ZNF804B: variants seen among roughly 807,000 people sequenced by gnomAD.
ZNF804B encodes zinc finger 804B.
A neutral mutation model predicts 101.4 loss-of-function variants in ZNF804B; 80 were observed. The ratio of observed to expected loss-of-function variants is 0.79; its 90% CI spans 0.66 to 0.95. The LOEUF is 0.95. Ranked by LOEUF, ZNF804B falls within the 40% of genes least tolerant of loss-of-function variation. The pLI, the probability that ZNF804B is intolerant of heterozygous loss-of-function variation, is 0.00. For synonymous variants in ZNF804B, 622 were observed against 558.8 expected, an observed-to-expected ratio of 1.11 and a Z score of -1.59; for missense variants, 1,673 against 1,561.9, an observed-to-expected ratio of 1.07 and a Z score of -1.20.
intron 1 of ZNF804B, among the ~76,000 whole-genome samples, chr7:88,851,604 G>T (rs1219705948): frequency 6.6e-6 from 1 of 151,848 alleles, no homozygotes; most frequent in Non-Finnish European, 1.5e-5. Flanking sequence ...AACACTAGCA[G>T]ACCTACATTA....
rs559529074 is a variant in ZNF804B, at chr7:89,318,338, A to G, written c.250-9006A>G. On this transcript the variant is annotated intron_variant, in intron 2 of 3. Transcript: ENST00000333190. ...TCTCTTTTGCTTTTTTCCTTTGATT[A>G]CTTAAGAGCTATCTCATTTTAACTT... 7.1e-4 allele frequency among the ~76,000 whole-genome samples: 108 copies of G among 152,294 alleles called. 1 individual carries two copies. The highest frequency in any genetic ancestry group is 6.8e-3 in the Middle Eastern group (2 of 294).
chr7:89,149,978 C>G (rs1790848153), intron 1 of ZNF804B, among the ~76,000 whole-genome samples: 1 of 152,014 alleles, frequency 6.6e-6, no homozygotes, highest in Non-Finnish European at 1.5e-5. Context: ...ATGCAGTAGT[C>G]TACCCCCACT....
At chr7:89,054,109 C>G (rs1356344138) in intron 1 of ZNF804B, among the ~76,000 whole-genome samples, 1 of 151,894 alleles carries the variant, frequency 6.6e-6, no homozygotes, top group Admixed American at 6.6e-5. Flanking sequence ...TAAGCCTGAT[C>G]TCCTTGGAGA....
intron 1 of ZNF804B, among the ~76,000 whole-genome samples, chr7:88,928,259 T>C (rs570045869): frequency 5.3e-5 from 8 of 152,304 alleles, no homozygotes; most frequent in South Asian, 2.1e-4. Flanking sequence ...CTCTGAGCCA[T>C]GTATAGAGAA....
At chr7:88,856,400 C>T (rs976472292) in intron 1 of ZNF804B, among the ~76,000 whole-genome samples, 4 of 152,080 alleles carry the variant, frequency 2.6e-5, no homozygotes, top group African/African-American at 7.2e-5. Flanking sequence ...TGATTTGGCT[C>T]TCTGTTTGTC....
intron 1 of ZNF804B, among the ~76,000 whole-genome samples, chr7:88,760,463 T>C (rs1789878702): frequency 1.3e-5 from 2 of 152,236 alleles, no homozygotes; most frequent in Admixed American, 1.3e-4. Context: ...TTTTGTAAAG[T>C]CATCAGTTGA....
At chr7:88,942,222 C>T (rs1446484600) in intron 1 of ZNF804B, among the ~76,000 whole-genome samples, 1 of 151,908 alleles carries the variant, frequency 6.6e-6, no homozygotes, top group Non-Finnish European at 1.5e-5. Flanking sequence ...TTGAAAGGAT[C>T]TATGTGCTTC....
intron 2 of ZNF804B, among the ~76,000 whole-genome samples, chr7:89,273,015 T>A (rs1208849): frequency 0.25 from 37,246 of 151,964 alleles, 4,784 homozygotes; most frequent in Non-Finnish European, 0.27. Flanking sequence ...AAATAAACAG[T>A]TGTTTTTTGT....
At chr7:88,979,422 C>G (rs916358088) in intron 1 of ZNF804B, among the ~76,000 whole-genome samples, 5 of 151,812 alleles carry the variant, frequency 3.3e-5, no homozygotes, top group African/African-American at 9.7e-5. Context: ...ATTTCTCTTT[C>G]ATGTTTGAAG....
intron 1 of ZNF804B, among the ~76,000 whole-genome samples, chr7:89,205,403 C>A (rs1008389927): frequency 6.6e-6 from 1 of 152,186 alleles, no homozygotes; most frequent in South Asian, 2.1e-4. Context: ...TGAGAAAAGG[C>A]AAGTCCCTTT....
intron 1 of ZNF804B, among the ~76,000 whole-genome samples, chr7:88,787,296 C>T (rs1035356850): frequency 6.6e-6 from 1 of 152,036 alleles, no homozygotes; most frequent in Non-Finnish European, 1.5e-5. Context: ...GAAATGGAAT[C>T]CATTGAATAA....
At chr7:89,105,828 A>T (rs1473623333) in intron 1 of ZNF804B, among the ~76,000 whole-genome samples, 1 of 152,226 alleles carries the variant, frequency 6.6e-6, no homozygotes, top group South Asian at 2.1e-4. Context: ...CTTCTAACCA[A>T]CCAGCTTCAT....
intron 1 of ZNF804B, among the ~76,000 whole-genome samples, chr7:89,176,685 C>T (rs1791328793): frequency 7.6e-6 from 1 of 130,820 alleles, no homozygotes; most frequent in African/African-American, 2.9e-5. Context: ...TCATTTTTCT[C>T]TATTTTTTGG....
chr7:88,802,005 G>T (rs10273187), intron 1 of ZNF804B, among the ~76,000 whole-genome samples: 1,543 of 152,190 alleles, frequency 0.01, 28 homozygotes, highest in African/African-American at 0.035. Flanking sequence ...CTGGTGGGAG[G>T]TGATTGGATC....
intron 1 of ZNF804B, among the ~76,000 whole-genome samples, chr7:89,076,371 A>G (rs1394893558): frequency 6.6e-6 from 1 of 151,334 alleles, no homozygotes; most frequent in East Asian, 2.0e-4. Flanking sequence ...TAAAAAGGGT[A>G]GTTTCCCTAC....
intron 1 of ZNF804B, among the ~76,000 whole-genome samples, chr7:88,926,946 G>GGGGGGC (rs536407283): frequency 6.7e-6 from 1 of 148,774 alleles, no homozygotes; most frequent in African/African-American, 2.5e-5. Flanking sequence ...TGGGGAGCGG[G>GGGGGGC]GGGAAAGCTG....
chr7:88,985,531 G>A (rs763961813), intron 1 of ZNF804B, among the ~76,000 whole-genome samples: 12 of 151,936 alleles, frequency 7.9e-5, no homozygotes, highest in African/African-American at 1.2e-4. Context: ...TCCTTTGTGC[G>A]GCCTCTGTTC....
At chr7:89,159,323 G>T (rs1791023302) in intron 1 of ZNF804B, among the ~76,000 whole-genome samples, 1 of 152,142 alleles carries the variant, frequency 6.6e-6, no homozygotes, top group South Asian at 2.1e-4. Context: ...TTGGCTCACA[G>T]ACCTCTGTAG....
At chr7:89,065,111 C>T (rs916498541) in intron 1 of ZNF804B, among the ~76,000 whole-genome samples, 1 of 152,142 alleles carries the variant, frequency 6.6e-6, no homozygotes, top group Non-Finnish European at 1.5e-5. Flanking sequence ...CATGAGCCAC[C>T]TGTCAAGAGA....
Sources: gnomAD v4.1 joint callset for allele counts (sites outside exome capture counted in the v4.1 genomes callset) on GRCh38, gnomAD v4.1.1 for gene constraint, MANE v1.5 for transcripts, NCBI Gene and HGNC (gene_info 2026-07-23, HGNC 2026-07-21) for gene names.